The following FYB2 variants were observed in gnomAD, a reference collection of about 807,000 sequenced individuals.
FYB2 encodes FYN-binding protein 2.
Under a neutral mutation model 94.1 loss-of-function variants are expected in FYB2, and 103 were observed. The ratio of observed to expected loss-of-function variants is 1.09; its 90% CI spans 0.93 to 1.29. The LOEUF (loss-of-function observed/expected upper bound fraction) is 1.29. FYB2 is among the 50% of genes most tolerant of loss of function. The pLI is 0.00. For synonymous variants in FYB2, 293 were observed against 287.9 expected, an observed-to-expected ratio of 1.02 and a Z score of -0.18; for missense variants, 896 against 841.5, an observed-to-expected ratio of 1.06 and a Z score of -0.80.
At chr1:56,771,217 G>C (rs1452314655) in intron 4 of FYB2, among the ~76,000 whole-genome samples, 1 of 152,076 alleles carries the variant, frequency 6.6e-6, no homozygotes, top group African/African-American at 2.4e-5. Flanking sequence ...ACAACAATCT[G>C]CATGTTCCTT....
intron 4 of FYB2, among the ~76,000 whole-genome samples, chr1:56,770,050 C>A (rs1179783584): frequency 1.3e-5 from 2 of 152,024 alleles, no homozygotes; most frequent in African/African-American, 4.8e-5. Context: ...AAAGGGTACA[C>A]ACGAATGCGT....
upstream of FYB2, chr1:56,823,566 G>A (rs1435172064): frequency 6.6e-6 from 1 of 152,212 alleles, no homozygotes; most frequent in African/African-American, 2.4e-5. Context: ...TGCCTTGAAT[G>A]AAGCTCGCAT....
intron 1 of FYB2, among the ~76,000 whole-genome samples, chr1:56,817,843 C>T (rs923281554): frequency 1.3e-5 from 2 of 152,140 alleles, no homozygotes; most frequent in African/African-American, 4.8e-5. Context: ...TAACATTCTT[C>T]CTGCTGTCCT....
At chr1:56,762,842 T>A (rs956381277) in intron 5 of FYB2, among the ~76,000 whole-genome samples, 2 of 152,206 alleles carry the variant, frequency 1.3e-5, no homozygotes, top group African/African-American at 4.8e-5. Flanking sequence ...CATTCAGTGT[T>A]TCACCATTAA....
chr1:56,734,040 G>A (rs1644773037), intron 15 of FYB2, among the ~76,000 whole-genome samples: 1 of 152,002 alleles, frequency 6.6e-6, no homozygotes, highest in African/African-American at 2.4e-5. Context: ...ATTATTGTGT[G>A]GGAGTCTAAG....
chr1:56,731,244 G>C (rs2100539517), intron 15 of FYB2, among the ~76,000 whole-genome samples: 1 of 152,216 alleles, frequency 6.6e-6, no homozygotes, highest in Middle Eastern at 3.4e-3. Context: ...CTGGCTTGGG[G>C]GCAGGCCACC....
At chr1:56,735,402 A>G (rs1644808017) in intron 15 of FYB2, among the ~76,000 whole-genome samples, 1 of 152,160 alleles carries the variant, frequency 6.6e-6, no homozygotes. Context: ...TATGAAAGCT[A>G]AGAAAGGTTG....
In FYB2 at chr1:56,758,651, C is replaced by T. The variant is rs529225843; in HGVS notation, c.1098+65G>A. ...CATTTTTTCCCTCTAAAAGATACTA[C>T]TTTAGAATCAACCTTGCATGCTTAT... On this transcript the variant is annotated intron_variant, in intron 6 of 19. Coordinates refer to ENST00000343433, the MANE Select transcript of FYB2 (RefSeq NM_001004303.5). 9.6e-5 allele frequency: 124 copies of T among 1,297,650 alleles called. No homozygotes were observed. In the East Asian group the frequency reaches 3.0e-3, roughly 31 times the overall value. The allele number at this position is 1,297,650 out of a possible 1,614,324, so 80.4% of individuals were successfully genotyped here.
chr1:56,750,130 C>T (rs547007026), intron 9 of FYB2, among the ~76,000 whole-genome samples: 4 of 151,944 alleles, frequency 2.6e-5, no homozygotes, highest in African/African-American at 9.6e-5. Flanking sequence ...TACGGCGTGC[C>T]ATGGGAGATA....
rs142901015 is a variant in FYB2, at chr1:56,788,139, T to C, written c.919+834A>G. ...GCCCAGCAATCTATGTTTTAAAAAG[T>C]CCTCTAGGTGATTCTGATGTACACT... On this transcript the variant is annotated intron_variant, in intron 3 of 19. Transcript: ENST00000343433. Among the ~76,000 whole-genome samples, 36 of 152,308 alleles carry C rather than the reference T, an allele frequency of 2.4e-4. No homozygotes were observed. The East Asian group carries it at 6.0e-3, about 25-fold the overall frequency.
intron 15 of FYB2, among the ~76,000 whole-genome samples, chr1:56,731,012 G>C (rs982704030): frequency 7.2e-5 from 11 of 152,208 alleles, no homozygotes; most frequent in African/African-American, 2.6e-4. Context: ...AGTCAAGGCT[G>C]CAGTGAATCA....
rs1428784064 is a variant in FYB2 at position 56,755,936 on chromosome 1, A to G, written c.1099-9T>C. ...GGAAAATTCTTCCCAGGCTGAAAGT[A>G]AAGTGGAAAATGGTTATTTTCATAA... On this transcript the variant is annotated splice_polypyrimidine_tract_variant and intron_variant, in intron 6 of 19. Coordinates refer to ENST00000343433, the MANE Select transcript of FYB2 (RefSeq NM_001004303.5). The G allele has an allele frequency of 1.2e-6, 2 of 1,608,380 alleles. No individual in the cohort carries two copies. Among genetic ancestry groups the G allele is most frequent in the Admixed American group, 3.3e-5 (2 of 59,824 alleles).
intron 9 of FYB2, among the ~76,000 whole-genome samples, chr1:56,750,177 T>C (rs1569981842): frequency 2.0e-5 from 3 of 152,182 alleles, no homozygotes; most frequent in East Asian, 3.9e-4. Context: ...AGGCATGGTA[T>C]AATTTTTCAA....
chr1:56,819,563 C>T (rs1421719654), upstream of FYB2: 5 of 572,652 alleles, frequency 8.7e-6, no homozygotes, highest in Non-Finnish European at 1.2e-5. Context: ...TCCTGCCAAG[C>T]CCACCTCTTC....
At chr1:56,791,944 G>A (rs1413138392) in intron 2 of FYB2, 112 bp downstream of exon 2, 4 of 1,414,856 alleles carry the variant, frequency 2.8e-6, no homozygotes, top group Non-Finnish European at 3.7e-6. Context: ...GGAGAGTCTG[G>A]AGCCACATTT....
intron 1 of FYB2, among the ~76,000 whole-genome samples, chr1:56,817,591 A>T (rs909410755): frequency 2.6e-5 from 4 of 152,200 alleles, no homozygotes; most frequent in African/African-American, 9.7e-5. Context: ...CATCTGCAGC[A>T]CCAAAGCAGG....
intron 1 of FYB2, among the ~76,000 whole-genome samples, chr1:56,812,903 G>A (rs186914922): frequency 1.3e-5 from 2 of 152,322 alleles, no homozygotes; most frequent in Non-Finnish European, 2.9e-5. Flanking sequence ...GATTGTCACA[G>A]CAAGTACCAC....
At chr1:56,736,445 G>A (rs1208713991) in intron 15 of FYB2, among the ~76,000 whole-genome samples, 1 of 43,546 alleles carries the variant, frequency 2.3e-5, no homozygotes, top group African/African-American at 2.5e-4. Flanking sequence ...TTTTTTTTTG[G>A]AACAGAGCCT....
chr1:56,731,791 A>G (rs1481390567), intron 15 of FYB2: 1 of 152,170 alleles, frequency 6.6e-6, no homozygotes, highest in Non-Finnish European at 1.5e-5. Flanking sequence ...TCAAAATTCA[A>G]CATCCTTTCA....
Sources: allele counts gnomAD v4.1 joint callset (sites outside exome capture counted in the v4.1 genomes callset), GRCh38; gene constraint gnomAD v4.1.1; transcripts MANE v1.5; gene names NCBI Gene and HGNC (gene_info 2026-07-23, HGNC 2026-07-21).